LGALS2: variants seen among roughly 807,000 people sequenced by gnomAD.
LGALS2 encodes galectin 2, also known as galectin-2.
In LGALS2, 7 loss-of-function variants were observed where a neutral mutation model predicts 10.1. That is an observed-to-expected ratio of 0.70 (90% CI 0.40 to 1.31). The LOEUF (loss-of-function observed/expected upper bound fraction) is 1.31, where lower values mean the gene tolerates loss of function less well. LGALS2 is among the 50% of genes most tolerant of loss of function. The probability of loss-of-function intolerance (pLI) is 0.01; values close to 1 mark genes in which losing one functional copy is unlikely to be tolerated. For missense variants in LGALS2, 167 were observed against 163.6 expected, an observed-to-expected ratio of 1.02 and a Z score of -0.11; for synonymous variants, 86 against 64.2, an observed-to-expected ratio of 1.34 and a Z score of -1.63.
At position 37,570,515 on chromosome 22, in the gene LGALS2, C is replaced by T; in HGVS notation, c.249+61G>A. The stretch of plus-strand genomic sequence containing the variant: ...CCAGCACCTGTGTCCAGGCCAGGCT[C>T]TCTTCCATCTGGGCCCTCCCCTTGA... On this transcript the variant is annotated intron_variant, in intron 3 of 3. Coordinates refer to ENST00000215886, the MANE Select transcript of LGALS2 (RefSeq NM_006498.3). 4.3e-6 allele frequency: 7 copies of T among 1,609,980 alleles called. No homozygotes were observed. In the South Asian group the frequency reaches 5.5e-5, roughly 13 times the overall value.
In LGALS2 at chr22:37,570,641, C is replaced by G; in HGVS notation, c.184G>C (p.Gly62Arg). 6.2e-7 allele frequency: 1 copy of G among 1,614,248 alleles called. No homozygotes were observed. Among genetic ancestry groups the G allele is most frequent in the Non-Finnish European group, 8.5e-7 (1 of 1,180,052 alleles). ...CGTTGTTCTTGCCCCCAGTTGCTGC[C>G]GTCCAATGAGTTGCAGACAATGGTG... Reference protein sequence around the residue: ...ESTIVCNSLDGSNWGQEQRED... With the variant: ...ESTIVCNSLDRSNWGQEQRED... The change falls in exon 3 of 4, where the codon GGC becomes CGC. Residue 62 changes from glycine to arginine, a missense_variant. Physicochemically the swap from Gly to Arg is moderately radical, Grantham distance 125 (BLOSUM62 -2). Coordinates refer to ENST00000215886, the MANE Select transcript of LGALS2 (RefSeq NM_006498.3).
chr22:37,574,712 G>C (rs924731059), intron 1 of LGALS2, among the ~76,000 whole-genome samples: 1 of 151,834 alleles, frequency 6.6e-6, no homozygotes, highest in Non-Finnish European at 1.5e-5. Context: ...CATTGGACTG[G>C]GGCACTTTGC....
At chr22:37,575,074 C>T (rs928049241) in intron 1 of LGALS2, among the ~76,000 whole-genome samples, 2 of 151,836 alleles carry the variant, frequency 1.3e-5, no homozygotes, top group African/African-American at 2.4e-5. Flanking sequence ...TTAGTAGAGA[C>T]GGGGTTTCAC....
intron 1 of LGALS2, among the ~76,000 whole-genome samples, chr22:37,574,634 T>C (rs958543983): frequency 6.6e-6 from 1 of 152,220 alleles, no homozygotes; most frequent in African/African-American, 2.4e-5. Flanking sequence ...ACTTTTACAT[T>C]GTGGGAGTTC....
chr22:37,572,804 A>AAAT, intron 1 of LGALS2, among the ~76,000 whole-genome samples: 1 of 135,962 alleles, frequency 7.4e-6, no homozygotes, highest in Non-Finnish European at 1.5e-5. Flanking sequence ...AATAATAAAT[A>AAAT]AAATAAAATA....
intron 1 of LGALS2, among the ~76,000 whole-genome samples, chr22:37,576,451 C>CAAA (rs55951617): frequency 1.3e-4 from 14 of 108,296 alleles, no homozygotes; most frequent in African/African-American, 3.7e-4. Context: ...GACTCCGTCT[C>CAAA]AAAAAAAAAA....
At chr22:37,574,794 AGAG>A (rs1925617969) in intron 1 of LGALS2, among the ~76,000 whole-genome samples, 1 of 151,882 alleles carries the variant, frequency 6.6e-6, no homozygotes, top group African/African-American at 2.4e-5. Flanking sequence ...TCCTCTCTGC[AGAG>A]GAGGAAGTGA....
At chr22:37,579,867 G>GT in intron 1 of LGALS2, 33 bp downstream of exon 1, 1 of 1,604,330 alleles carries the variant, frequency 6.2e-7, no homozygotes, top group South Asian at 1.1e-5. Context: ...GATGAACAGA[G>GT]TGGGGCAGGC....
At chr22:37,579,581 T>C (rs1925788272) in intron 1 of LGALS2, among the ~76,000 whole-genome samples, 1 of 152,070 alleles carries the variant, frequency 6.6e-6, no homozygotes, top group Non-Finnish European at 1.5e-5. Context: ...TACAGGCATG[T>C]GCCACCAGGC....
intron 2 of LGALS2, among the ~76,000 whole-genome samples, chr22:37,571,630 A>G (rs999744459): frequency 6.6e-6 from 1 of 152,208 alleles, no homozygotes; most frequent in Non-Finnish European, 1.5e-5. Flanking sequence ...GGGCAAAAGA[A>G]TAGAGCATAT....
At chr22:37,570,503 C>G in intron 3 of LGALS2, 73 bp downstream of exon 3, 8 of 1,607,358 alleles carry the variant, frequency 5.0e-6, no homozygotes, top group Non-Finnish European at 6.8e-6. Flanking sequence ...GCACCTGTGT[C>G]CAGGCCAGGC....
chr22:37,570,969 G>A (rs966440666), intron 2 of LGALS2, among the ~76,000 whole-genome samples: 13 of 152,164 alleles, frequency 8.5e-5, no homozygotes, highest in Non-Finnish European at 1.6e-4. Flanking sequence ...TGACAGCTTC[G>A]GGAATTGGGG....
intron 1 of LGALS2, among the ~76,000 whole-genome samples, chr22:37,572,257 C>T (rs1350083272): frequency 6.6e-6 from 1 of 152,226 alleles, no homozygotes; most frequent in East Asian, 1.9e-4. Context: ...GATGAAATCA[C>T]GCTGCCCTCA....
Position 37,570,641 on chromosome 22 carries a change from C to T in LGALS2, c.184G>A (p.Gly62Ser), listed in dbSNP as rs139822215. 3.6e-4 allele frequency: 583 copies of T among 1,614,248 alleles called. 1 individual carries two copies. The highest frequency in any genetic ancestry group is 2.3e-4 in the Non-Finnish European group (269 of 1,180,052). ...ESTIVCNSLDGSNWGQEQRED... is the reference protein window; with the variant it reads ...ESTIVCNSLDSSNWGQEQRED... ...CGTTGTTCTTGCCCCCAGTTGCTGC[C>T]GTCCAATGAGTTGCAGACAATGGTG... The change falls in exon 3 of 4, where the codon GGC becomes AGC. Residue 62 changes from glycine to serine, a missense_variant. Gly to Ser is a moderately conservative substitution (Grantham distance 56). Transcript: ENST00000215886.
At chr22:37,573,055 C>G (rs1925553075) in intron 1 of LGALS2, among the ~76,000 whole-genome samples, 1 of 151,984 alleles carries the variant, frequency 6.6e-6, no homozygotes, top group East Asian at 1.9e-4. Context: ...AGCCAGATCA[C>G]CTGAGGTCAG....
At chr22:37,576,718 T>G (rs868406641) in intron 1 of LGALS2, among the ~76,000 whole-genome samples, 2 of 152,122 alleles carry the variant, frequency 1.3e-5, no homozygotes, top group Non-Finnish European at 2.9e-5. Flanking sequence ...ATAGGGGAGC[T>G]GGGCCTGGAC....
chr22:37,579,767 C>T, intron 1 of LGALS2, 133 bp downstream of exon 1: 1 of 937,210 alleles, frequency 1.1e-6, no homozygotes, highest in South Asian at 1.7e-5. Context: ...GACCTCTGTC[C>T]AACTTCTTTG....
chr22:37,578,612 T>A (rs1346554828), intron 1 of LGALS2: 1 of 152,102 alleles, frequency 6.6e-6, no homozygotes, highest in Non-Finnish European at 1.5e-5. Context: ...ACCCAGGAGT[T>A]TGATATCAGC....
In LGALS2 at chr22:37,570,283, AG is replaced by A; in HGVS notation, c.378del (p.Ser127LeufsTer4). ...YLSVRGGFNM[S>X]SFKLKE ...GTCTTTTATTCTTTTAACTTGAAAG[AG>A]GACATGTTGAACCCGCCCCTTACGC... On this transcript the variant is annotated frameshift_variant, in exon 4 of 4. Transcript: ENST00000215886. LOFTEE classifies it high-confidence loss of function. 6.2e-7 allele frequency: 1 copy of A among 1,606,774 alleles called. No homozygotes were observed. Among genetic ancestry groups the A allele is most frequent in the Non-Finnish European group, 8.5e-7 (1 of 1,174,240 alleles).
Sources: allele counts gnomAD v4.1 joint callset (sites outside exome capture counted in the v4.1 genomes callset), GRCh38; gene constraint gnomAD v4.1.1; transcripts MANE v1.5; gene names NCBI Gene and HGNC (gene_info 2026-07-23, HGNC 2026-07-21).